PAG1: variants seen among roughly 807,000 people sequenced by gnomAD.
The protein encoded by PAG1 is phosphoprotein membrane anchor with glycosphingolipid microdomains 1.
In PAG1, 23 loss-of-function variants were observed where a neutral mutation model predicts 31.7. The observed-to-expected ratio is 0.73, with a 90% CI of 0.52 to 1.03. PAG1 has a LOEUF of 1.03. PAG1 is among the 50% of genes least tolerant of loss of function. The pLI is 0.00. For synonymous variants in PAG1, 214 were observed against 210.3 expected (o/e 1.02, Z -0.15); for missense variants, 473 against 540.7 (o/e 0.87, Z 1.24).
intron 6 of PAG1, among the ~76,000 whole-genome samples, 166 bp from the exon 7 acceptor site, chr8:80,985,543 C>CCT (rs1226059649): frequency 8.5e-5 from 13 of 152,306 alleles, no homozygotes; most frequent in African/African-American, 2.6e-4. Context: ...CTACTTCAAT[C>CCT]ACAGTTTAAA....
At chr8:81,070,761 C>G (rs376646811) in intron 1 of PAG1, among the ~76,000 whole-genome samples, 4 of 151,780 alleles carry the variant, frequency 2.6e-5, no homozygotes, top group African/African-American at 9.7e-5. Flanking sequence ...TTTTTGTTAA[C>G]ATGGCTTCTT....
intron 3 of PAG1, among the ~76,000 whole-genome samples, chr8:81,015,897 C>G (rs1028594882): frequency 1.3e-5 from 2 of 152,138 alleles, no homozygotes; most frequent in Non-Finnish European, 2.9e-5. Context: ...CCCTTTAGCT[C>G]ATGGAGCTCA....
At chr8:80,978,387 T>A (rs1807226954) in intron 8 of PAG1, among the ~76,000 whole-genome samples, 1 of 152,216 alleles carries the variant, frequency 6.6e-6, no homozygotes, top group South Asian at 2.1e-4. Flanking sequence ...AAACACAGAA[T>A]GTATTATCTA....
Position 80,967,902 on chromosome 8 carries a change from A to G in PAG1, c.*8642T>C, listed in dbSNP as rs1010251649. On this transcript the variant is annotated 3_prime_UTR_variant, in exon 9 of 9. Coordinates refer to ENST00000220597, the MANE Select transcript of PAG1 (RefSeq NM_018440.4). ...ACAACATACCTGCTATTTACATGTA[A>G]TCATACTTTTATATATAGCTTGAAT... 1.1e-4 allele frequency: 16 copies of G among 152,230 alleles called. No individual in the cohort carries two copies. Among genetic ancestry groups the G allele is most frequent in the African/African-American group, 3.9e-4 (16 of 41,460 alleles). The allele number at this position is 152,230 out of a possible 1,614,324, so 9.4% of individuals were successfully genotyped here.
chr8:81,013,744 T>G (rs1007764335), intron 3 of PAG1, among the ~76,000 whole-genome samples: 3 of 152,174 alleles, frequency 2.0e-5, no homozygotes, highest in Non-Finnish European at 4.4e-5. Context: ...CATGCCTGGC[T>G]AATTTTTGTA....
At chr8:80,984,747 A>G (rs1033042747) in intron 7 of PAG1, 29 bp downstream of exon 7, 1 of 1,601,890 alleles carries the variant, frequency 6.2e-7, no homozygotes, top group Admixed American at 1.7e-5. Context: ...AGGAACCCAC[A>G]AAGACAAAAC....
At chr8:80,989,024 C>T (rs1284021931) in intron 5 of PAG1, among the ~76,000 whole-genome samples, 4 of 152,202 alleles carry the variant, frequency 2.6e-5, no homozygotes, top group Non-Finnish European at 1.5e-5. Context: ...CTATCTCATG[C>T]TCCAGGATTC....
chr8:81,003,823 G>A (rs1409263855), intron 3 of PAG1, among the ~76,000 whole-genome samples: 1 of 152,186 alleles, frequency 6.6e-6, no homozygotes, highest in East Asian at 1.9e-4. Context: ...TTCTTAATGT[G>A]ATCAATAGTT....
intron 2 of PAG1, among the ~76,000 whole-genome samples, chr8:81,032,014 T>C (rs940471757): frequency 6.6e-6 from 1 of 152,116 alleles, no homozygotes; most frequent in African/African-American, 2.4e-5. Flanking sequence ...TAGACAGCCA[T>C]ATATAAAAGA....
At chr8:81,026,016 T>C (rs902774025) in intron 3 of PAG1, among the ~76,000 whole-genome samples, 3 of 151,842 alleles carry the variant, frequency 2.0e-5, no homozygotes, top group Non-Finnish European at 4.4e-5. Flanking sequence ...GACCCTGGAG[T>C]AGATGCCAAT....
intron 2 of PAG1, chr8:81,037,386 G>A (rs1808478888): frequency 6.6e-6 from 1 of 152,164 alleles, no homozygotes; most frequent in African/African-American, 2.4e-5. Context: ...CCATAATTTA[G>A]TATAAGCCTT....
chr8:81,029,911 TA>T (rs1808351250), intron 3 of PAG1, 84 bp downstream of exon 3: 2 of 152,248 alleles, frequency 1.3e-5, no homozygotes, highest in African/African-American at 4.8e-5. Context: ...TGTATGAGAC[TA>T]AACAATTAAA....
Position 81,003,272 on chromosome 8 carries a change from T to C in PAG1, c.-80-9965A>G, listed in dbSNP as rs144955590. On this transcript the variant is annotated intron_variant, in intron 3 of 8. Transcript: ENST00000220597. ...TTGTTACAGATTCTGATTTGGCAAGTCTGGAGCGGGGCTCAAGAGTCTGCA... is the reference window on the plus strand; with the variant it reads ...TTGTTACAGATTCTGATTTGGCAAGCCTGGAGCGGGGCTCAAGAGTCTGCA... Among the ~76,000 whole-genome samples, 3 of 152,284 alleles carry C rather than the reference T, an allele frequency of 2.0e-5. No homozygotes were observed. The East Asian group carries it at 5.8e-4, about 29-fold the overall frequency.
At chr8:81,079,794 G>A (rs1328895774) in intron 1 of PAG1, among the ~76,000 whole-genome samples, 2 of 151,798 alleles carry the variant, frequency 1.3e-5, no homozygotes, top group African/African-American at 2.4e-5. Flanking sequence ...TTTGAGACAG[G>A]GTCTCGCTCT....
intron 3 of PAG1, among the ~76,000 whole-genome samples, chr8:81,018,712 C>T (rs187569155): frequency 2.1e-3 from 327 of 152,284 alleles, no homozygotes; most frequent in Middle Eastern, 3.4e-3. Flanking sequence ...TGAGGCCTCC[C>T]AAGCCATGGG....
At chr8:81,074,408 C>G (rs1032254151) in intron 1 of PAG1, among the ~76,000 whole-genome samples, 1 of 152,046 alleles carries the variant, frequency 6.6e-6, no homozygotes, top group African/African-American at 2.4e-5. Flanking sequence ...AGCTAGATAA[C>G]TAGGAAAGGA....
chr8:81,055,027 G>T (rs1455939766), intron 2 of PAG1, among the ~76,000 whole-genome samples: 2 of 151,754 alleles, frequency 1.3e-5, no homozygotes, highest in Non-Finnish European at 2.9e-5. Flanking sequence ...GCCAAGGTCA[G>T]TCCTGTCCAA....
chr8:81,052,938 A>G (rs1332811925), intron 2 of PAG1, among the ~76,000 whole-genome samples: 3 of 152,276 alleles, frequency 2.0e-5, no homozygotes, highest in African/African-American at 7.2e-5. Flanking sequence ...ATCAAAGATG[A>G]TAAGACAATG....
intron 2 of PAG1, among the ~76,000 whole-genome samples, chr8:81,053,965 G>C (rs890357584): frequency 1.3e-5 from 2 of 152,158 alleles, no homozygotes; most frequent in African/African-American, 4.8e-5. Context: ...ACTCACCTCT[G>C]ACACTATTGC....
Sources: allele counts gnomAD v4.1 joint callset (sites outside exome capture counted in the v4.1 genomes callset), GRCh38; gene constraint gnomAD v4.1.1; transcripts MANE v1.5; gene names NCBI Gene and HGNC (gene_info 2026-07-23, HGNC 2026-07-21).